Variants in PAPSS1 observed in about 807,000 individuals in gnomAD.
PAPSS1 encodes bifunctional 3'-phosphoadenosine 5'-phosphosulfate synthase 1.
Under a neutral mutation model 72.0 loss-of-function variants are expected in PAPSS1, and 50 were observed. The observed-to-expected ratio is 0.69, with a 90% CI of 0.55 to 0.88. PAPSS1 has a LOEUF of 0.88. PAPSS1 is among the 40% of genes least tolerant of loss of function. PAPSS1 has a pLI of 0.00. For synonymous variants in PAPSS1, 261 were observed against 263.6 expected, an observed-to-expected ratio of 0.99 and a Z score of 0.09; for missense variants, 657 against 782.2, an observed-to-expected ratio of 0.84 and a Z score of 1.91.
At chr4:107,643,383 A>G (rs1403844155) in intron 10 of PAPSS1, among the ~76,000 whole-genome samples, 6 of 152,116 alleles carry the variant, frequency 3.9e-5, no homozygotes, top group Non-Finnish European at 8.8e-5. Context: ...TATAATGCCT[A>G]TTTCCCATGC....
At chr4:107,697,935 C>T (rs1467365881) in intron 2 of PAPSS1, among the ~76,000 whole-genome samples, 1 of 152,174 alleles carries the variant, frequency 6.6e-6, no homozygotes, top group Non-Finnish European at 1.5e-5. Context: ...GATCCGTCCA[C>T]ACACCAAGGA....
At chr4:107,673,838 C>G (rs577637871) in intron 5 of PAPSS1, among the ~76,000 whole-genome samples, 49 of 152,346 alleles carry the variant, frequency 3.2e-4, no homozygotes, top group African/African-American at 1.0e-3. Context: ...ATCAGACTAA[C>G]AGCTGATCTC....
chr4:107,614,316 TC>T lies in PAPSS1; in HGVS notation c.1807del (p.Glu603LysfsTer12). ...KLAREGQKPPEGFMAPKAWTV... is the reference protein window; with the variant it reads ...KLAREGQKPPXGFMAPKAWTV... ...CCAAGCCTTGGGAGCCATGAAACCT[TC>T]AGGTGGTTTCTGGCCTTCTCGAGCA... On this transcript the variant is annotated frameshift_variant, in exon 12 of 12. Transcript: ENST00000265174. LOFTEE classifies it high-confidence loss of function. 6.2e-7 allele frequency: 1 copy of T among 1,613,884 alleles called. No individual in the cohort carries two copies.
intron 1 of PAPSS1, among the ~76,000 whole-genome samples, chr4:107,718,792 G>A (rs1022740398): frequency 6.6e-6 from 1 of 152,160 alleles, no homozygotes. Flanking sequence ...TTCCCTAACC[G>A]TGAAACACCT....
At chr4:107,692,650 A>G (rs1423736719) in intron 3 of PAPSS1, among the ~76,000 whole-genome samples, 1 of 152,172 alleles carries the variant, frequency 6.6e-6, no homozygotes, top group Non-Finnish European at 1.5e-5. Context: ...TACCCAAATG[A>G]GTATAAGTCA....
chr4:107,643,064 A>G (rs1726592825), intron 10 of PAPSS1, among the ~76,000 whole-genome samples: 1 of 152,234 alleles, frequency 6.6e-6, no homozygotes, highest in Non-Finnish European at 1.5e-5. Context: ...TCACACAGCG[A>G]AACACCACAC....
At chr4:107,630,553 TC>T (rs2110301668) in intron 11 of PAPSS1, among the ~76,000 whole-genome samples, 1 of 152,350 alleles carries the variant, frequency 6.6e-6, no homozygotes, top group East Asian at 1.9e-4. Flanking sequence ...CAATTAAACC[TC>T]TTTTGTTTAC....
chr4:107,693,250 T>C (rs568709164), intron 3 of PAPSS1, among the ~76,000 whole-genome samples: 1 of 152,198 alleles, frequency 6.6e-6, no homozygotes, highest in South Asian at 2.1e-4. Flanking sequence ...GAAGAGTGCT[T>C]TCCAGGCAGG....
chr4:107,673,129 T>C (rs552174668), intron 5 of PAPSS1, among the ~76,000 whole-genome samples: 1,654 of 151,858 alleles, frequency 0.011, 33 homozygotes, highest in African/African-American at 0.036. Flanking sequence ...AGCAGAAAAA[T>C]TGGAAACTCT....
At chr4:107,719,413 G>A (rs1723718159) in intron 1 of PAPSS1, among the ~76,000 whole-genome samples, 1 of 152,102 alleles carries the variant, frequency 6.6e-6, no homozygotes, top group South Asian at 2.1e-4. Flanking sequence ...TGAGGACACA[G>A]CACTTTACAA....
chr4:107,716,453 G>C (rs1267081322), intron 1 of PAPSS1, among the ~76,000 whole-genome samples: 1 of 152,202 alleles, frequency 6.6e-6, no homozygotes, highest in Non-Finnish European at 1.5e-5. Context: ...AAGCAAACCA[G>C]AGACTGCATA....
intron 2 of PAPSS1, among the ~76,000 whole-genome samples, chr4:107,699,297 G>C (rs2125936077): frequency 6.7e-6 from 1 of 150,292 alleles, no homozygotes; most frequent in Non-Finnish European, 1.5e-5. Flanking sequence ...CAATGAAAAA[G>C]AAAAGTCAAC....
chr4:107,677,800 T>C (rs1040475321), intron 5 of PAPSS1, among the ~76,000 whole-genome samples: 4 of 152,090 alleles, frequency 2.6e-5, no homozygotes, highest in Non-Finnish European at 5.9e-5. Flanking sequence ...TGTCCAACAA[T>C]GATAGACTGG....
chr4:107,719,760 T>C (rs1716697664), intron 1 of PAPSS1: 2 of 1,087,642 alleles, frequency 1.8e-6, no homozygotes, highest in Non-Finnish European at 2.3e-6. Flanking sequence ...AGGAAGCTCC[T>C]GTTTCTGCAG....
intron 1 of PAPSS1, among the ~76,000 whole-genome samples, chr4:107,707,551 T>C (rs1723370196): frequency 6.6e-6 from 1 of 152,166 alleles, no homozygotes; most frequent in Non-Finnish European, 1.5e-5. Flanking sequence ...TGTTGGGTTC[T>C]GAGGCAAAAT....
At chr4:107,686,238 T>C (rs941626392) in intron 4 of PAPSS1, among the ~76,000 whole-genome samples, 6 of 152,270 alleles carry the variant, frequency 3.9e-5, no homozygotes, top group African/African-American at 1.4e-4. Context: ...TGCGGATTTG[T>C]TCCCGGACTC....
At chr4:107,644,539 G>T (rs763633911) in intron 10 of PAPSS1, among the ~76,000 whole-genome samples, 2 of 152,176 alleles carry the variant, frequency 1.3e-5, no homozygotes, top group African/African-American at 2.4e-5. Context: ...ACCACACCCA[G>T]CCCTGTCTGC....
At chr4:107,664,932 TAA>T (rs1002379792) in intron 5 of PAPSS1, among the ~76,000 whole-genome samples, 1 of 152,216 alleles carries the variant, frequency 6.6e-6, no homozygotes, top group Non-Finnish European at 1.5e-5. Context: ...AAGCATTTCA[TAA>T]AACTCTTCCC....
intron 1 of PAPSS1, among the ~76,000 whole-genome samples, chr4:107,715,787 A>G (rs764262463): frequency 6.6e-6 from 1 of 152,234 alleles, no homozygotes; most frequent in African/African-American, 2.4e-5. Context: ...AATAATTAGA[A>G]CAAGAATAGT....
Sources: allele counts gnomAD v4.1 joint callset (sites outside exome capture counted in the v4.1 genomes callset), GRCh38; gene constraint gnomAD v4.1.1; transcripts MANE v1.5; gene names NCBI Gene and HGNC (gene_info 2026-07-23, HGNC 2026-07-21).